PON2: variants seen among roughly 807,000 people sequenced by gnomAD.
The protein encoded by PON2 is serum paraoxonase/arylesterase 2.
A neutral mutation model predicts 36.6 loss-of-function variants in PON2; 27 were observed. The ratio of observed to expected loss-of-function variants is 0.74; its 90% CI spans 0.54 to 1.02. The LOEUF (loss-of-function observed/expected upper bound fraction) is 1.02. PON2 is among the 50% of genes least tolerant of loss of function. The pLI is 0.00. For missense variants in PON2, 363 were observed against 421.1 expected (o/e 0.86, Z 1.21); for synonymous variants, 149 against 156.3 (o/e 0.95, Z 0.35).
chr7:95,417,042 A>G (rs758023004), intron 2 of PON2, among the ~76,000 whole-genome samples: 1 of 152,206 alleles, frequency 6.6e-6, no homozygotes, highest in Non-Finnish European at 1.5e-5. Context: ...AATTCTACAG[A>G]CAGATAATAG....
In PON2 at chr7:95,405,165, GT is replaced by G. The variant is rs1809644316; in HGVS notation, c.*164del. 2 of 694,998 alleles carry G rather than the reference GT, an allele frequency of 2.9e-6. No homozygotes were observed. The highest frequency in any genetic ancestry group is 3.6e-5 in the African/African-American group (2 of 55,420). 43.1% of individuals were successfully genotyped at this position (694,998 alleles called of 1,614,324 possible). A position where few individuals can be genotyped will look rare whatever the true frequency, so the allele number is the denominator to read the frequency against. ...AAGAACCTGTTCATTTTCCTTTTTT[GT>G]TAAAAGTGCTCTAAGAACTAAAAGG... On this transcript the variant is annotated 3_prime_UTR_variant, in exon 9 of 9. Transcript: ENST00000222572.
chr7:95,426,388 C>T (rs1789318176), intron 1 of PON2, among the ~76,000 whole-genome samples: 2 of 152,080 alleles, frequency 1.3e-5, no homozygotes, highest in African/African-American at 2.4e-5. Flanking sequence ...TATAATTTAC[C>T]GCTGTTCTAA....
chr7:95,413,403 G>A lies in PON2; in HGVS notation c.202-926C>T, dbSNP rs540547464. Among the ~76,000 whole-genome samples, 11 of 152,242 alleles carry A rather than the reference G, an allele frequency of 7.2e-5. No individual in the cohort carries two copies. The South Asian group carries it at 1.5e-3, about 20-fold the overall frequency. ...TAGATTACTGATGGTTGTGGTGTTGGGTATTTTCTTCCTGTTCTGAGCATT... is the reference window on the plus strand; with the variant it reads ...TAGATTACTGATGGTTGTGGTGTTGAGTATTTTCTTCCTGTTCTGAGCATT... On this transcript the variant is annotated intron_variant, in intron 3 of 8. Transcript: ENST00000222572.
In PON2 at chr7:95,411,739, G is replaced by A. The variant is rs1392014784; in HGVS notation, c.408C>T (p.Phe136=). The change falls in exon 5 of 9, where the codon TTC becomes TTT. Residue 136 remains phenylalanine (F), a synonymous_variant. Coordinates refer to ENST00000222572, the MANE Select transcript of PON2 (RefSeq NM_000305.3). ...VYLFVVNHPE[F]KNTVEIFKFE... ...ATTTAAAAATTTCCACTGTATTCTT[G>A]AATTCTGGGTGGTTTACAACAAAGA... The A allele has an allele frequency of 6.2e-7, 1 of 1,613,550 alleles. No individual in the cohort carries two copies. The highest frequency in any genetic ancestry group is 1.3e-5 in the African/African-American group (1 of 74,986).
intron 3 of PON2, among the ~76,000 whole-genome samples, chr7:95,413,372 C>T (rs1788985323): frequency 6.6e-6 from 1 of 152,156 alleles, no homozygotes; most frequent in South Asian, 2.1e-4. Context: ...TTACTAAGAA[C>T]TCTAGTAGAT....
chr7:95,434,967 C>T lies in PON2; in HGVS notation c.-16G>A. 1 of 1,520,850 alleles carries T rather than the reference C, an allele frequency of 6.6e-7. No individual in the cohort carries two copies. Among genetic ancestry groups the T allele is most frequent in the Non-Finnish European group, 8.8e-7 (1 of 1,139,880 alleles). 94.2% of individuals were successfully genotyped at this position (1,520,850 alleles called of 1,614,324 possible). On this transcript the variant is annotated 5_prime_UTR_variant, in exon 1 of 9. Coordinates refer to ENST00000222572, the MANE Select transcript of PON2 (RefSeq NM_000305.3). ...GCCGCCCCATGGCGCGGGAGCCGGGCGCGCTGCCTCGCTCCGGCCTGGCCA... is the reference window on the plus strand; with the variant it reads ...GCCGCCCCATGGCGCGGGAGCCGGGTGCGCTGCCTCGCTCCGGCCTGGCCA...
Position 95,406,967 on chromosome 7 carries a change from T to A in PON2, c.777+20A>T. The A allele has an allele frequency of 7.3e-7, 1 of 1,376,502 alleles. No homozygotes were observed. The highest frequency in any genetic ancestry group is 1.0e-6 in the Non-Finnish European group (1 of 974,604). 85.3% of individuals were successfully genotyped at this position (1,376,502 alleles called of 1,614,324 possible). A position where few individuals can be genotyped will look rare whatever the true frequency, so the allele number is the denominator to read the frequency against. On this transcript the variant is annotated intron_variant, in intron 7 of 8. Transcript: ENST00000222572. ...AAAGCATAATAGATTACTGTCTATA[T>A]GTAAAAATAAATATTTTACCTTCAA...
At chr7:95,406,418 C>CT (rs1219870853) in intron 7 of PON2, 171 bp from the exon 8 acceptor site, 4 of 685,242 alleles carry the variant, frequency 5.8e-6, no homozygotes, top group Admixed American at 2.8e-5. Context: ...TTTGGAGCCA[C>CT]TTTTCTTCTT....
chr7:95,405,221 C>G lies in PON2; in HGVS notation c.*109G>C, dbSNP rs1367322120. The G allele has an allele frequency of 8.3e-7, 1 of 1,205,956 alleles. No individual in the cohort carries two copies. The highest frequency in any genetic ancestry group is 2.5e-5 in the East Asian group (1 of 39,536). 74.7% of individuals were successfully genotyped at this position (1,205,956 alleles called of 1,614,324 possible). ...TTCCTTACTGGAATAAAATTAACTA[C>G]ACATGCCATACATTTCTGGGTCAAT... On this transcript the variant is annotated 3_prime_UTR_variant, in exon 9 of 9. Coordinates refer to ENST00000222572, the MANE Select transcript of PON2 (RefSeq NM_000305.3).
chr7:95,431,937 T>C (rs1789452778), intron 1 of PON2, among the ~76,000 whole-genome samples: 2 of 149,464 alleles, frequency 1.3e-5, no homozygotes, highest in Admixed American at 6.7e-5. Flanking sequence ...AAAATCCATG[T>C]GAAATTCAAA....
At chr7:95,433,928 T>G (rs941130818) in intron 1 of PON2, among the ~76,000 whole-genome samples, 2 of 152,242 alleles carry the variant, frequency 1.3e-5, no homozygotes, top group Non-Finnish European at 2.9e-5. Flanking sequence ...ATTTATACAT[T>G]TACTGTATTT....
intron 3 of PON2, 97 bp from the exon 4 acceptor site, chr7:95,412,574 T>A: frequency 7.6e-7 from 1 of 1,321,858 alleles, no homozygotes; most frequent in Non-Finnish European, 1.1e-6. Flanking sequence ...AGATTGTGGT[T>A]AAAGTAGTGG....
chr7:95,411,798 A>G lies in PON2; in HGVS notation c.368-19T>C, dbSNP rs778259580. The G allele has an allele frequency of 6.2e-7, 1 of 1,612,634 alleles. No individual in the cohort carries two copies. The highest frequency in any genetic ancestry group is 8.5e-7 in the Non-Finnish European group (1 of 1,179,054). ...GTGTCATCTAAAGAATTGAAAGAAC[A>G]GAGTTAATTTACAAGACATAACTAC... On this transcript the variant is annotated intron_variant, in intron 4 of 8. Transcript: ENST00000222572.
chr7:95,431,913 T>TAA (rs35310147), intron 1 of PON2, among the ~76,000 whole-genome samples: 6 of 143,884 alleles, frequency 4.2e-5, no homozygotes, highest in Admixed American at 1.4e-4. Flanking sequence ...ATGCTTATAC[T>TAA]AAAAAAAAAA....
At chr7:95,429,706 T>C (rs1789394617) in intron 1 of PON2, among the ~76,000 whole-genome samples, 1 of 152,250 alleles carries the variant, frequency 6.6e-6, no homozygotes, top group African/African-American at 2.4e-5. Context: ...GCCATACTTC[T>C]CTGCTTTTGA....
chr7:95,421,756 GAA>G (rs1270689189), intron 2 of PON2, among the ~76,000 whole-genome samples: 1 of 152,086 alleles, frequency 6.6e-6, no homozygotes, highest in Non-Finnish European at 1.5e-5. Flanking sequence ...GAACACATAG[GAA>G]ACAGATGCCT....
At chr7:95,433,983 T>C (rs1236011132) in intron 1 of PON2, among the ~76,000 whole-genome samples, 1 of 152,264 alleles carries the variant, frequency 6.6e-6, no homozygotes, top group African/African-American at 2.4e-5. Flanking sequence ...GGTCGTACTC[T>C]ACTATAGAAG....
intron 2 of PON2, among the ~76,000 whole-genome samples, chr7:95,421,190 A>T (rs1789184036): frequency 6.6e-6 from 1 of 152,190 alleles, no homozygotes; most frequent in Non-Finnish European, 1.5e-5. Flanking sequence ...AAGGTCACAA[A>T]CATAGACAGA....
At chr7:95,428,221 T>G (rs1211950070) in intron 1 of PON2, among the ~76,000 whole-genome samples, 1 of 152,212 alleles carries the variant, frequency 6.6e-6, no homozygotes, top group Non-Finnish European at 1.5e-5. Flanking sequence ...TCCTTTCTTT[T>G]CTTTTTCATT....
Sources: gnomAD v4.1 joint callset for allele counts (sites outside exome capture counted in the v4.1 genomes callset) on GRCh38, gnomAD v4.1.1 for gene constraint, MANE v1.5 for transcripts, NCBI Gene and HGNC (gene_info 2026-07-23, HGNC 2026-07-21) for gene names.